The following KYNU variants were observed in gnomAD, a reference collection of about 807,000 sequenced individuals.
KYNU encodes the protein kynureninase.
A neutral mutation model predicts 59.2 loss-of-function variants in KYNU; 54 were observed. The observed-to-expected ratio is 0.91, with a 90% CI of 0.73 to 1.14. The LOEUF (loss-of-function observed/expected upper bound fraction) is 1.14, where lower values mean the gene tolerates loss of function less well. Among genes scored for constraint, KYNU ranks in the 50% most tolerant of loss-of-function variants. The probability of loss-of-function intolerance (pLI) is 0.00; values close to 1 mark genes in which losing one functional copy is unlikely to be tolerated. For synonymous variants in KYNU, 177 were observed against 192.0 expected (o/e 0.92, Z 0.65); for missense variants, 567 against 554.4 (o/e 1.02, Z -0.23).
At chr2:142,904,035 T>A (rs1481178270) in intron 2 of KYNU, among the ~76,000 whole-genome samples, 1 of 152,192 alleles carries the variant, frequency 6.6e-6, no homozygotes, top group Non-Finnish European at 1.5e-5. Flanking sequence ...GTTGCCAAGT[T>A]CAATAGGGTT....
At chr2:142,931,387 A>G (rs1683213187) in intron 4 of KYNU, among the ~76,000 whole-genome samples, 1 of 152,226 alleles carries the variant, frequency 6.6e-6, no homozygotes, top group African/African-American at 2.4e-5. Flanking sequence ...GTTGGTATCC[A>G]CATTGTCCTT....
intron 10 of KYNU, among the ~76,000 whole-genome samples, chr2:142,995,220 AC>A (rs1347280344): frequency 6.6e-6 from 1 of 152,132 alleles, no homozygotes; most frequent in Non-Finnish European, 1.5e-5. Context: ...TCTTATAAGA[AC>A]AACATATTCT....
intron 4 of KYNU, among the ~76,000 whole-genome samples, chr2:142,945,190 G>A (rs164734): frequency 6.6e-6 from 1 of 152,086 alleles, no homozygotes; most frequent in Non-Finnish European, 1.5e-5. Context: ...TTTCATGGAA[G>A]AAATCTCTGT....
chr2:143,017,890 A>AT (rs1365655948), intron 10 of KYNU, among the ~76,000 whole-genome samples: 1 of 151,562 alleles, frequency 6.6e-6, no homozygotes, highest in African/African-American at 2.4e-5. Flanking sequence ...CTGTTCATGT[A>AT]TTTTGCCCAT....
chr2:142,951,593 T>A (rs1415692460), intron 4 of KYNU, among the ~76,000 whole-genome samples: 1 of 152,204 alleles, frequency 6.6e-6, no homozygotes, highest in African/African-American at 2.4e-5. Context: ...AGCTATTTGA[T>A]GTTAAGAACA....
intron 10 of KYNU, among the ~76,000 whole-genome samples, chr2:143,015,110 C>G (rs1686211366): frequency 6.6e-6 from 1 of 152,112 alleles, no homozygotes; most frequent in South Asian, 2.1e-4. Flanking sequence ...AGGCCAGTCT[C>G]AAACTCCTGC....
intron 6 of KYNU, 31 bp downstream of exon 6, chr2:142,956,305 C>T (rs750700640): frequency 1.5e-6 from 2 of 1,340,664 alleles, no homozygotes; most frequent in East Asian, 4.6e-5. Flanking sequence ...TATTTATGTT[C>T]TTTCTACTCT....
At chr2:142,947,941 T>C (rs1683853586) in intron 4 of KYNU, 1 of 152,236 alleles carries the variant, frequency 6.6e-6, no homozygotes, top group Non-Finnish European at 1.5e-5. Flanking sequence ...TCTTGTATCA[T>C]TGGGTCCTCC....
intron 10 of KYNU, 36 bp downstream of exon 10, chr2:142,986,057 A>ACATATTATTAATG: frequency 7.0e-7 from 1 of 1,425,000 alleles, no homozygotes; most frequent in Non-Finnish European, 9.9e-7. Flanking sequence ...TTGGTGATGA[A>ACATATTATTAATG]CAAATTAATT....
intron 10 of KYNU, among the ~76,000 whole-genome samples, chr2:142,997,462 G>A (rs900943350): frequency 1.3e-5 from 2 of 152,064 alleles, no homozygotes; most frequent in Non-Finnish European, 2.9e-5. Flanking sequence ...TGTCTGATCA[G>A]CACATTTTTT....
intron 10 of KYNU, among the ~76,000 whole-genome samples, chr2:142,998,843 C>A (rs1362545070): frequency 6.6e-6 from 1 of 151,696 alleles, no homozygotes; most frequent in Non-Finnish European, 1.5e-5. Context: ...CCCAACTCTA[C>A]TAAAAATACA....
At chr2:142,923,836 G>T (rs1682965003) in intron 3 of KYNU, among the ~76,000 whole-genome samples, 1 of 152,156 alleles carries the variant, frequency 6.6e-6, no homozygotes. Context: ...GTTTAGGTAA[G>T]ATTATTTAAA....
At chr2:142,927,121 C>T (rs979460877) in intron 3 of KYNU, among the ~76,000 whole-genome samples, 3 of 152,126 alleles carry the variant, frequency 2.0e-5, no homozygotes, top group African/African-American at 7.2e-5. Context: ...GATGAAATTG[C>T]TAGCAAATAT....
intron 10 of KYNU, among the ~76,000 whole-genome samples, chr2:143,007,042 A>C (rs1039704801): frequency 6.6e-6 from 1 of 152,146 alleles, no homozygotes; most frequent in African/African-American, 2.4e-5. Context: ...CAGCAACGGA[A>C]CAAAGCTGGA....
chr2:143,033,457 C>A (rs765679467), intron 12 of KYNU, 136 bp downstream of exon 12: 39 of 782,020 alleles, frequency 5.0e-5, no homozygotes, highest in Middle Eastern at 4.5e-4. Flanking sequence ...CAGAAGGCAG[C>A]ATTCCCCTTT....
At position 143,052,310 on chromosome 2, in the gene KYNU, G is replaced by A. The variant is rs1297602514; in HGVS notation, c.*10138G>A. ...AAATTTTCAGCCTGACAATGCAGTA[G>A]AAAAGGAAAACCAATTTTCTGAGGA... On this transcript the variant is annotated 3_prime_UTR_variant, in exon 14 of 14. Transcript: ENST00000264170. 1 of 152,214 alleles carries A rather than the reference G, an allele frequency of 6.6e-6. No individual in the cohort carries two copies. Among genetic ancestry groups the A allele is most frequent in the Non-Finnish European group, 1.5e-5 (1 of 68,050 alleles). 9.4% of individuals were successfully genotyped at this position (152,214 alleles called of 1,614,324 possible).
chr2:143,013,379 C>T (rs1686168737), intron 10 of KYNU, among the ~76,000 whole-genome samples: 1 of 151,678 alleles, frequency 6.6e-6, no homozygotes, highest in Admixed American at 6.6e-5. Context: ...CCCAAATCTT[C>T]ACAATTTTTT....
In KYNU at chr2:142,985,151, G is replaced by A; in HGVS notation, c.797G>A (p.Gly266Glu). Residue 266 changes from glycine to glutamate, a missense_variant, in exon 9 of 14, where the codon GGA (glycine) becomes GAA (glutamate). Physicochemically the swap from Gly to Glu is moderately conservative, Grantham distance 98. Coordinates refer to ENST00000264170, the MANE Select transcript of KYNU (RefSeq NM_003937.3). ...GNVELYLHDW[G>E]VDFACWCSYK... ...GTTGAACTCTACTTACATGACTGGG[G>A]AGTTGATTTTGCCTGCTGGTGTTCC... The A allele has an allele frequency of 6.2e-7, 1 of 1,610,814 alleles. No homozygotes were observed. Among genetic ancestry groups the A allele is most frequent in the Non-Finnish European group, 8.5e-7 (1 of 1,177,532 alleles).
intron 10 of KYNU, among the ~76,000 whole-genome samples, chr2:143,013,378 T>A (rs1334374408): frequency 6.6e-6 from 1 of 151,982 alleles, no homozygotes; most frequent in Non-Finnish European, 1.5e-5. Flanking sequence ...TCCCAAATCT[T>A]CACAATTTTT....
Sources: allele counts gnomAD v4.1 joint callset (sites outside exome capture counted in the v4.1 genomes callset), GRCh38; gene constraint gnomAD v4.1.1; transcripts MANE v1.5; gene names NCBI Gene and HGNC (gene_info 2026-07-23, HGNC 2026-07-21).